The following PHACTR1 variants were observed in gnomAD, a reference collection of about 807,000 sequenced individuals.
PHACTR1 encodes the protein RPEL repeat containing 1.
In PHACTR1, 16 loss-of-function variants were observed where a neutral mutation model predicts 69.2. That is an observed-to-expected ratio of 0.23 (90% CI 0.16 to 0.35). PHACTR1 has a LOEUF of 0.35. Among genes scored for constraint, PHACTR1 ranks in the 10% least tolerant of loss-of-function variants. The pLI is 1.00. For synonymous variants in PHACTR1, 312 were observed against 284.5 expected (o/e 1.10, Z -0.97); for missense variants, 510 against 734.7 (o/e 0.69, Z 3.54).
At chr6:12,862,803 T>C (rs1384394518) in intron 4 of PHACTR1, among the ~76,000 whole-genome samples, 2 of 152,198 alleles carry the variant, frequency 1.3e-5, no homozygotes, top group Non-Finnish European at 2.9e-5. Flanking sequence ...TACTAATTAA[T>C]TACAGCAACC....
At chr6:13,259,090 A>G (rs549770602) in intron 10 of PHACTR1, among the ~76,000 whole-genome samples, 2 of 152,338 alleles carry the variant, frequency 1.3e-5, no homozygotes, top group African/African-American at 4.8e-5. Context: ...GCTTTTTGGC[A>G]TCACAATGTT....
chr6:12,869,281 C>A (rs1167718237), intron 4 of PHACTR1, among the ~76,000 whole-genome samples: 1 of 152,148 alleles, frequency 6.6e-6, no homozygotes, highest in Admixed American at 6.5e-5. Context: ...TAGTCCAACC[C>A]TATTTCCCAC....
intron 10 of PHACTR1, among the ~76,000 whole-genome samples, chr6:13,244,308 C>G (rs973850368): frequency 6.6e-6 from 1 of 152,150 alleles, no homozygotes; most frequent in Non-Finnish European, 1.5e-5. Context: ...GGCGAGATCA[C>G]AGGACCACAG....
At chr6:12,942,607 C>T (rs1359238354) in intron 4 of PHACTR1, among the ~76,000 whole-genome samples, 1 of 151,852 alleles carries the variant, frequency 6.6e-6, no homozygotes, top group Non-Finnish European at 1.5e-5. Flanking sequence ...TTCAGTGAGC[C>T]GAGATCATAC....
At chr6:13,056,445 T>G (rs376678989) in intron 5 of PHACTR1, among the ~76,000 whole-genome samples, 32 of 152,342 alleles carry the variant, frequency 2.1e-4, no homozygotes, top group African/African-American at 7.2e-4. Context: ...AAGAGTCATA[T>G]CTAAGTAAAT....
Position 13,272,827 on chromosome 6 carries a change from G to C in PHACTR1, c.1392-33G>C, listed in dbSNP as rs367678937. On this transcript the variant is annotated intron_variant, in intron 10 of 14. Coordinates refer to ENST00000332995, the MANE Select transcript of PHACTR1 (RefSeq NM_030948.6). ...TAATGACCCAAGGAGGCTATGATAT[G>C]GTCCAAAAACTTTTCCTGGATTTTT... 13 of 1,613,950 alleles carry C rather than the reference G, an allele frequency of 8.1e-6. No homozygotes were observed. The African/African-American group carries it at 1.7e-4, about 22-fold the overall frequency.
At position 12,796,664 on chromosome 6, in the gene PHACTR1, G is replaced by A. The variant is rs560783658; in HGVS notation, c.250+46874G>A. Among the ~76,000 whole-genome samples the A allele has an allele frequency of 2.6e-5, 4 of 152,302 alleles. No individual in the cohort carries two copies. In the South Asian group the frequency reaches 8.3e-4, roughly 32 times the overall value. The stretch of plus-strand genomic sequence containing the variant: ...AGAAGTAAGGTGGGAGATATGGTTT[G>A]CAGTAAATGAAGGTAGCATCACACA... On this transcript the variant is annotated intron_variant, in intron 4 of 14. Coordinates refer to ENST00000332995, the MANE Select transcript of PHACTR1 (RefSeq NM_030948.6).
At chr6:13,182,818 A>G in intron 7 of PHACTR1, 132 bp downstream of exon 7, 1 of 858,304 alleles carries the variant, frequency 1.2e-6, no homozygotes, top group South Asian at 3.2e-5. Flanking sequence ...AAATTTAGTG[A>G]AACAGATTAG....
intron 4 of PHACTR1, among the ~76,000 whole-genome samples, chr6:12,817,548 C>T (rs1324022110): frequency 6.6e-6 from 1 of 152,136 alleles, no homozygotes; most frequent in African/African-American, 2.4e-5. Flanking sequence ...AGTGCTCTTG[C>T]TACAGTTGAG....
chr6:12,758,517 G>A (rs1180757730), intron 4 of PHACTR1, among the ~76,000 whole-genome samples: 1 of 144,208 alleles, frequency 6.9e-6, no homozygotes, highest in South Asian at 2.2e-4. Flanking sequence ...GACATTATAA[G>A]CATTTTCTTA....
At chr6:12,857,081 GA>G (rs1332094925) in intron 4 of PHACTR1, among the ~76,000 whole-genome samples, 7 of 152,040 alleles carry the variant, frequency 4.6e-5, no homozygotes. Flanking sequence ...ACAGAACCTG[GA>G]AAAAACAATT....
At chr6:13,199,300 CT>C (rs1220174979) in intron 7 of PHACTR1, among the ~76,000 whole-genome samples, 1 of 137,556 alleles carries the variant, frequency 7.3e-6, no homozygotes, top group East Asian at 2.4e-4. Context: ...AGCAGAATTG[CT>C]TGAACCTGGG....
chr6:13,127,698 C>A (rs1819760555), intron 5 of PHACTR1, among the ~76,000 whole-genome samples: 1 of 152,162 alleles, frequency 6.6e-6, no homozygotes, highest in African/African-American at 2.4e-5. Context: ...TGTTCTTAAG[C>A]CCTTCAACAC....
intron 8 of PHACTR1, among the ~76,000 whole-genome samples, chr6:13,207,787 C>T (rs1279916709): frequency 6.6e-6 from 1 of 152,086 alleles, no homozygotes. Context: ...GGCTGCTGGT[C>T]ATTGGGTCCT....
intron 10 of PHACTR1, among the ~76,000 whole-genome samples, chr6:13,270,658 TATACTC>T (rs1382554576): frequency 1.3e-5 from 2 of 152,244 alleles, no homozygotes; most frequent in Non-Finnish European, 1.5e-5. Context: ...AAAATGTTCT[TATACTC>T]TTAAAAACAC....
chr6:13,229,462 G>A (rs182164302), intron 9 of PHACTR1, among the ~76,000 whole-genome samples: 235 of 152,272 alleles, frequency 1.5e-3, no homozygotes, highest in Middle Eastern at 0.014. Context: ...AGGATATTGC[G>A]TGTTTCAAAG....
At chr6:12,930,045 CTT>C (rs61075165) in intron 4 of PHACTR1, among the ~76,000 whole-genome samples, 9 of 141,838 alleles carry the variant, frequency 6.3e-5, no homozygotes, top group Admixed American at 1.4e-4. Context: ...ACAGAAAGAA[CTT>C]TTTTTTTTTT....
chr6:12,762,803 T>C (rs957645806), intron 4 of PHACTR1, among the ~76,000 whole-genome samples: 5 of 152,250 alleles, frequency 3.3e-5, no homozygotes, highest in African/African-American at 1.2e-4. Flanking sequence ...TGCATCTATA[T>C]AGGTCAGGTC....
In PHACTR1 at chr6:13,142,853, C is replaced by T. The variant is rs560705917; in HGVS notation, c.416-17351C>T. The stretch of plus-strand genomic sequence containing the variant: ...GAAGTGTGAAAAAAAAAAGAAAACA[C>T]GACTACTATACCTAATGAACAAATT... On this transcript the variant is annotated intron_variant, in intron 5 of 14. Coordinates refer to ENST00000332995, the MANE Select transcript of PHACTR1 (RefSeq NM_030948.6). Among the ~76,000 whole-genome samples, 17 of 151,326 alleles carry T rather than the reference C, an allele frequency of 1.1e-4. No individual in the cohort carries two copies. The East Asian group carries it at 2.9e-3, about 26-fold the overall frequency.
Sources: allele counts gnomAD v4.1 joint callset (sites outside exome capture counted in the v4.1 genomes callset), GRCh38; gene constraint gnomAD v4.1.1; transcripts MANE v1.5; gene names NCBI Gene and HGNC (gene_info 2026-07-23, HGNC 2026-07-21).